Variants in COLEC11 observed in about 807,000 individuals in gnomAD.
COLEC11 encodes the protein collectin-11.
Under a neutral mutation model 27.3 loss-of-function variants are expected in COLEC11, and 20 were observed. That is an observed-to-expected ratio of 0.73 (90% CI 0.51 to 1.06). The LOEUF (loss-of-function observed/expected upper bound fraction) is 1.06. Among genes scored for constraint, COLEC11 ranks in the 50% least tolerant of loss-of-function variants. COLEC11 has a pLI of 0.00. For synonymous variants in COLEC11, 163 were observed against 154.7 expected, an observed-to-expected ratio of 1.05 and a Z score of -0.40; for missense variants, 310 against 383.0, an observed-to-expected ratio of 0.81 and a Z score of 1.59.
At chr2:3,625,893 A>G in intron 3 of COLEC11, 1 of 928,266 alleles carries the variant, frequency 1.1e-6, no homozygotes, top group South Asian at 1.3e-5. Context: ...TTGGCCTCCC[A>G]AAGTGCCGGG....
intron 5 of COLEC11, among the ~76,000 whole-genome samples, chr2:3,642,726 G>A (rs1335797312): frequency 6.6e-6 from 1 of 152,218 alleles, no homozygotes; most frequent in Non-Finnish European, 1.5e-5. Context: ...GTGGGTCTGA[G>A]GGCCGCTCCA....
chr2:3,629,675 T>C (rs1158136461), intron 3 of COLEC11, among the ~76,000 whole-genome samples: 7 of 152,310 alleles, frequency 4.6e-5, no homozygotes, highest in Non-Finnish European at 8.8e-5. Context: ...TGTGTGCTCC[T>C]GTAGTATGCA....
At chr2:3,613,064 G>A (rs920773467) in intron 2 of COLEC11, among the ~76,000 whole-genome samples, 1 of 152,170 alleles carries the variant, frequency 6.6e-6, no homozygotes, top group Admixed American at 6.5e-5. Flanking sequence ...AGGGGTAACT[G>A]GTGAGAGAAA....
intron 3 of COLEC11, among the ~76,000 whole-genome samples, chr2:3,631,706 GCTCGGAGGGGGCCCCTA>G (rs1168289785): frequency 6.6e-6 from 1 of 151,364 alleles, no homozygotes; most frequent in Non-Finnish European, 1.5e-5. Flanking sequence ...AGGGGGCTCT[GCTCGGAGGGGGCCCCTA>G]CTCGGAGGGG....
chr2:3,612,177 C>CA (rs1455809181), intron 2 of COLEC11, among the ~76,000 whole-genome samples: 1 of 152,218 alleles, frequency 6.6e-6, no homozygotes, highest in East Asian at 2.0e-4. Context: ...TCAGCGCACA[C>CA]ACGCGCACAC....
chr2:3,643,993 G>T lies in COLEC11; in HGVS notation c.691G>T (p.Gly231Cys). The change falls in exon 7 of 7, where the codon GGT (glycine) becomes TGT (cysteine). Residue 231 changes from glycine (G) to cysteine (C), a missense_variant. By Grantham distance (159) the Gly-to-Cys change is radical (BLOSUM62 -3). Transcript: ENST00000349077. ...GCGGACCTTCAACAAGTGGCGCAGC[G>T]GTGAGCCCAACAATGCCTACGACGA... ...PMRTFNKWRS[G>C]EPNNAYDEED... The T allele has an allele frequency of 6.2e-7, 1 of 1,614,126 alleles. No individual in the cohort carries two copies. Among genetic ancestry groups the T allele is most frequent in the Non-Finnish European group, 8.5e-7 (1 of 1,180,050 alleles).
rs748988767 is a variant in COLEC11 at position 3,644,227 on chromosome 2, G to A, written c.*109G>A. On this transcript the variant is annotated 3_prime_UTR_variant, in exon 7 of 7. Transcript: ENST00000349077. ...AGGGAGCTGTCCCTCTGTGAAGGGTGGAGGCTCACTGAGTAGAGGGCTGTT... is the reference window on the plus strand; with the variant it reads ...AGGGAGCTGTCCCTCTGTGAAGGGTAGAGGCTCACTGAGTAGAGGGCTGTT... The A allele has an allele frequency of 1.4e-6, 2 of 1,388,808 alleles. No individual in the cohort carries two copies. Among genetic ancestry groups the A allele is most frequent in the South Asian group, 1.2e-5 (1 of 85,132 alleles). The allele number at this position is 1,388,808 out of a possible 1,614,324, so 86.0% of individuals were successfully genotyped here.
At chr2:3,637,181 C>A (rs2147953662) in intron 3 of COLEC11, among the ~76,000 whole-genome samples, 1 of 152,300 alleles carries the variant, frequency 6.6e-6, no homozygotes, top group East Asian at 1.9e-4. Context: ...AGCTGGGAGG[C>A]ACTGCCTTGC....
chr2:3,638,137 C>A (rs943075063), intron 4 of COLEC11, among the ~76,000 whole-genome samples: 7 of 152,366 alleles, frequency 4.6e-5, no homozygotes, highest in African/African-American at 1.7e-4. Flanking sequence ...GTCTCCGCTG[C>A]TGCATTTGGC....
chr2:3,602,765 C>T lies in COLEC11; in HGVS notation c.-26-1550C>T, dbSNP rs116687258. 0.016 allele frequency among the ~76,000 whole-genome samples: 2,501 copies of T among 152,334 alleles called. 76 individuals carry two copies. The highest frequency in any genetic ancestry group is 0.056 in the African/African-American group (2,342 of 41,576). On this transcript the variant is annotated intron_variant, in intron 1 of 6. Transcript: ENST00000349077. The surrounding 1 kb of genome is among the most constrained non-coding windows in gnomAD (Gnocchi z 6.2). ...CCCACCAGGCCAGCCCACCTCTCCCCGCACTGTCCGGCATGCACTGCCTCA... is the reference window on the plus strand; with the variant it reads ...CCCACCAGGCCAGCCCACCTCTCCCTGCACTGTCCGGCATGCACTGCCTCA...
intron 2 of COLEC11, among the ~76,000 whole-genome samples, chr2:3,607,035 G>A (rs1201517547): frequency 6.6e-6 from 1 of 152,166 alleles, no homozygotes; most frequent in Non-Finnish European, 1.5e-5. Flanking sequence ...CCCCGGACAC[G>A]GGGTGGCATC....
intron 1 of COLEC11, 85 bp from the exon 2 acceptor site, chr2:3,604,230 A>G: frequency 6.7e-7 from 1 of 1,483,570 alleles, no homozygotes; most frequent in Non-Finnish European, 9.3e-7. Flanking sequence ...GGAGGGCTAC[A>G]CCCCTTGCCT....
At chr2:3,612,171 C>T (rs980156815) in intron 2 of COLEC11, among the ~76,000 whole-genome samples, 8 of 152,004 alleles carry the variant, frequency 5.3e-5, no homozygotes, top group East Asian at 1.9e-4. Context: ...AGCATATCAG[C>T]GCACACACGC....
chr2:3,604,077 C>A, intron 1 of COLEC11: 1 of 595,574 alleles, frequency 1.7e-6, no homozygotes, highest in Non-Finnish European at 3.0e-6. Flanking sequence ...AATCAAGGCT[C>A]ACTGACCAGG....
At position 3,637,373 on chromosome 2, in the gene COLEC11, T is replaced by C. The variant is rs140340874; in HGVS notation, c.203-160T>C. ...AGGCGACCTGCCTGTGACAGTCACA[T>C]ACGTGACCTTGAAGAGATGTAGAGC... On this transcript the variant is annotated intron_variant, in intron 3 of 6. Transcript: ENST00000349077. Among the ~76,000 whole-genome samples the C allele has an allele frequency of 2.6e-3, 394 of 152,376 alleles. 3 individuals are homozygous for C. The highest frequency in any genetic ancestry group is 9.1e-3 in the African/African-American group (380 of 41,584).
intron 2 of COLEC11, among the ~76,000 whole-genome samples, chr2:3,604,732 C>G (rs1398005516): frequency 2.6e-5 from 4 of 152,126 alleles, no homozygotes; most frequent in South Asian, 4.1e-4. Context: ...TGGAAGGCAC[C>G]TGGCTTTCCG....
chr2:3,601,852 C>G (rs532171861), intron 1 of COLEC11: 4 of 152,260 alleles, frequency 2.6e-5, no homozygotes, highest in Non-Finnish European at 5.9e-5. Flanking sequence ...GGCAGTAACC[C>G]TAGCCGTCTC....
At chr2:3,603,817 T>C (rs1397546603) in intron 1 of COLEC11, 27 of 707,074 alleles carry the variant, frequency 3.8e-5, no homozygotes, top group Middle Eastern at 6.3e-4. Flanking sequence ...GCCTGTCTCC[T>C]GCCACCTAAG....
intron 3 of COLEC11, among the ~76,000 whole-genome samples, chr2:3,621,247 T>A (rs1283209484): frequency 2.0e-5 from 3 of 152,376 alleles, no homozygotes; most frequent in East Asian, 3.8e-4. Flanking sequence ...GTTTTCTTGA[T>A]GAATTGACCT....
Sources: gnomAD v4.1 joint callset for allele counts (sites outside exome capture counted in the v4.1 genomes callset) on GRCh38, gnomAD v4.1.1 for gene constraint, Gnocchi (gnomAD v3.1) non-coding constraint, MANE v1.5 for transcripts, NCBI Gene and HGNC (gene_info 2026-07-23, HGNC 2026-07-21) for gene names.